The following CSMD1 variants were observed in gnomAD, a reference collection of about 807,000 sequenced individuals.
The protein encoded by CSMD1 is CUB and sushi domain-containing protein 1.
A neutral mutation model predicts 417.5 loss-of-function variants in CSMD1; 213 were observed. That is an observed-to-expected ratio of 0.51 (90% CI 0.46 to 0.57). The LOEUF is 0.57. CSMD1 is among the 20% of genes least tolerant of loss of function. The pLI, the probability that CSMD1 is intolerant of heterozygous loss-of-function variation, is 0.00. For missense variants in CSMD1, 6,923 were observed against 4,529.7 expected (o/e 1.53, Z -15.17); for synonymous variants, 2,862 against 1,736.8 (o/e 1.65, Z -16.11).
At chr8:4,399,769 C>A (rs1864517) in intron 3 of CSMD1, among the ~76,000 whole-genome samples, 58,536 of 152,050 alleles carry the variant, frequency 0.38, 12,479 homozygotes, top group African/African-American at 0.59. Flanking sequence ...GAATTTTCCT[C>A]ATGTGAGTCT....
intron 2 of CSMD1, among the ~76,000 whole-genome samples, chr8:4,440,179 A>T (rs1798386031): frequency 6.6e-6 from 1 of 152,178 alleles, no homozygotes. Flanking sequence ...TAGATTAATA[A>T]TGTAGAAATC....
intron 6 of CSMD1, among the ~76,000 whole-genome samples, chr8:3,731,537 G>C (rs914766268): frequency 1.3e-5 from 2 of 152,196 alleles, no homozygotes; most frequent in African/African-American, 4.8e-5. Context: ...CAGCCAGTAT[G>C]GCTGGGGTGA....
chr8:4,260,028 T>G (rs1222019132), intron 3 of CSMD1, among the ~76,000 whole-genome samples: 4 of 149,028 alleles, frequency 2.7e-5, no homozygotes, highest in Non-Finnish European at 3.0e-5. Flanking sequence ...GTGCACACTT[T>G]TTTTTTTTTA....
intron 4 of CSMD1, among the ~76,000 whole-genome samples, chr8:4,024,329 A>C (rs2554580): frequency 0.22 from 33,494 of 152,168 alleles, 4,620 homozygotes; most frequent in South Asian, 0.32. Context: ...TAATGACAGA[A>C]AACCAGAAAT....
intron 10 of CSMD1, among the ~76,000 whole-genome samples, chr8:3,505,095 A>G (rs1293252587): frequency 1.3e-5 from 2 of 152,188 alleles, no homozygotes; most frequent in African/African-American, 4.8e-5. Context: ...AACCCCTGAA[A>G]TAAAGTAACC....
At chr8:4,424,145 A>G (rs546497617) in intron 2 of CSMD1, among the ~76,000 whole-genome samples, 5 of 152,182 alleles carry the variant, frequency 3.3e-5, no homozygotes, top group Admixed American at 6.6e-5. Context: ...CAGAGTTTCT[A>G]TGCTTGACAC....
intron 2 of CSMD1, among the ~76,000 whole-genome samples, chr8:4,540,333 C>T (rs1797318461): frequency 2.0e-5 from 3 of 152,106 alleles, no homozygotes; most frequent in Admixed American, 2.0e-4. Context: ...CTTTTCCATG[C>T]AACCAAACAC....
intron 5 of CSMD1, among the ~76,000 whole-genome samples, chr8:3,974,708 T>A (rs1221521807): frequency 6.6e-6 from 1 of 151,876 alleles, no homozygotes; most frequent in South Asian, 2.1e-4. Flanking sequence ...GAAAATTTTA[T>A]ATAAGATGAA....
intron 31 of CSMD1, among the ~76,000 whole-genome samples, chr8:3,204,732 G>A (rs138767209): frequency 6.6e-6 from 1 of 152,214 alleles, no homozygotes; most frequent in African/African-American, 2.4e-5. Context: ...TATATGCAGA[G>A]TGAGTGCTGT....
chr8:3,843,775 A>G (rs1428400855), intron 5 of CSMD1, among the ~76,000 whole-genome samples: 1 of 152,202 alleles, frequency 6.6e-6, no homozygotes, highest in East Asian at 1.9e-4. Context: ...TCTCAGATCC[A>G]CCATCTGCAA....
At chr8:4,547,984 A>T (rs1797704642) in intron 2 of CSMD1, among the ~76,000 whole-genome samples, 1 of 152,208 alleles carries the variant, frequency 6.6e-6, no homozygotes, top group Admixed American at 6.5e-5. Context: ...GAGCAAATGT[A>T]GGCCAGGCAC....
intron 5 of CSMD1, among the ~76,000 whole-genome samples, chr8:3,899,692 T>C (rs577569513): frequency 9.9e-5 from 15 of 152,258 alleles, no homozygotes; most frequent in African/African-American, 3.4e-4. Context: ...GGGCTAAATA[T>C]GACAAATAAC....
At chr8:4,208,298 A>T (rs1209889332) in intron 3 of CSMD1, among the ~76,000 whole-genome samples, 2 of 152,204 alleles carry the variant, frequency 1.3e-5, no homozygotes, top group African/African-American at 4.8e-5. Flanking sequence ...AGAATTAGAA[A>T]AAAAGACTGG....
At chr8:4,499,548 G>C (rs910921047) in intron 2 of CSMD1, among the ~76,000 whole-genome samples, 16 of 152,230 alleles carry the variant, frequency 1.1e-4, no homozygotes, top group African/African-American at 3.6e-4. Flanking sequence ...AGGTGGATAA[G>C]CGATAACATA....
At chr8:3,048,636 G>C (rs948078963) in intron 50 of CSMD1, among the ~76,000 whole-genome samples, 3 of 152,114 alleles carry the variant, frequency 2.0e-5, no homozygotes, top group African/African-American at 7.2e-5. Flanking sequence ...ACTCCTAGAA[G>C]ATAACATAGG....
chr8:4,798,217 G>T (rs1445855577), intron 1 of CSMD1, among the ~76,000 whole-genome samples: 2 of 152,074 alleles, frequency 1.3e-5, no homozygotes, highest in Non-Finnish European at 2.9e-5. Flanking sequence ...TTGTGTCCAA[G>T]TGTTCTCATT....
At chr8:4,020,742 T>C (rs919604272) in intron 4 of CSMD1, among the ~76,000 whole-genome samples, 2 of 152,244 alleles carry the variant, frequency 1.3e-5, no homozygotes, top group Admixed American at 6.5e-5. Flanking sequence ...CTTCATTCAT[T>C]AGACCCAACG....
intron 1 of CSMD1, among the ~76,000 whole-genome samples, chr8:4,939,663 G>A (rs1028675339): frequency 2.0e-5 from 3 of 152,184 alleles, no homozygotes; most frequent in African/African-American, 7.2e-5. Flanking sequence ...GGAATTGGGA[G>A]ATACTGGCCA....
chr8:3,668,736 C>T (rs1004886702), intron 7 of CSMD1, among the ~76,000 whole-genome samples: 3 of 152,066 alleles, frequency 2.0e-5, no homozygotes, highest in Admixed American at 6.6e-5. Flanking sequence ...TCAGGAGGGG[C>T]CAACGCTAGG....
Sources: gnomAD v4.1 joint callset for allele counts (sites outside exome capture counted in the v4.1 genomes callset) on GRCh38, gnomAD v4.1.1 for gene constraint, MANE v1.5 for transcripts, NCBI Gene and HGNC (gene_info 2026-07-23, HGNC 2026-07-21) for gene names.